ZNF8: variants seen among roughly 807,000 people sequenced by gnomAD.
ZNF8 encodes zinc finger protein 8.
In ZNF8, 9 loss-of-function variants were observed where a neutral mutation model predicts 12.2. That is an observed-to-expected ratio of 0.73 (90% confidence interval 0.44 to 1.28). The LOEUF is 1.28. Ranked by LOEUF, ZNF8 falls within the 50% of genes most tolerant of loss-of-function variation. The pLI, the probability that ZNF8 is intolerant of heterozygous loss-of-function variation, is 0.00. For missense variants in ZNF8, 664 were observed against 729.1 expected (o/e 0.91, Z 1.03); for synonymous variants, 274 against 282.3 (o/e 0.97, Z 0.30).
chr19:58,294,515 G>A lies in ZNF8; in HGVS notation c.707G>A (p.Arg236Lys), dbSNP rs775486874. The A allele has an allele frequency of 1.5e-5, 24 of 1,614,112 alleles. No homozygotes were observed. The highest frequency in any genetic ancestry group is 2.0e-5 in the Non-Finnish European group (24 of 1,180,060). ...CCCGGTGAAAACAGTGACTGTCACAGAGATTCCAGTCAGGCCATTCCAATT... is the reference window on the plus strand; with the variant it reads ...CCCGGTGAAAACAGTGACTGTCACAAAGATTCCAGTCAGGCCATTCCAATT... ...KQPGENSDCH[R>K]DSSQAIPITE... The change falls in exon 4 of 4, where the codon AGA (arginine) becomes AAA (lysine). Residue 236 changes from arginine to lysine, a missense_variant. Physicochemically the swap from Arg to Lys is conservative, Grantham distance 26. Around this residue, in one of 3 missense-constraint regions of ZNF8, gnomAD observed 306 missense variants for 308.7 expected, o/e 0.99. Coordinates refer to ENST00000621650, the MANE Select transcript of ZNF8 (RefSeq NM_021089.3). The surrounding 1 kb of genome is among the most constrained non-coding windows in gnomAD (Gnocchi z 5.5).
In ZNF8 at chr19:58,294,543, G is replaced by T. The variant is rs377349861; in HGVS notation, c.735G>T (p.Thr245=). Residue 245 remains threonine, a synonymous_variant, in exon 4 of 4, where the codon ACG becomes ACT. Transcript: ENST00000621650. The surrounding 1 kb of genome is among the most constrained non-coding windows in gnomAD (Gnocchi z 5.5). ...HRDSSQAIPI[T]ELTKSQVQDK... ...ATTCCAGTCAGGCCATTCCAATTAC[G>T]GAACTCACAAAAAGCCAGGTGCAGG... 1.2e-6 allele frequency: 2 copies of T among 1,614,124 alleles called. No individual in the cohort carries two copies. Among genetic ancestry groups the T allele is most frequent in the Non-Finnish European group, 1.7e-6 (2 of 1,180,030 alleles).
At chr19:58,279,471 C>G in intron 1 of ZNF8, 1 of 1,460,528 alleles carries the variant, frequency 6.8e-7, no homozygotes, top group Non-Finnish European at 9.0e-7. Context: ...CTTGCCCATT[C>G]CAGGAAGGTC....
At chr19:58,289,499 G>GAA (rs34989877) in intron 3 of ZNF8, among the ~76,000 whole-genome samples, 1,712 of 83,152 alleles carry the variant, frequency 0.021, 17 homozygotes, top group Non-Finnish European at 0.037. Context: ...CTGTCTCAAA[G>GAA]AAAAAAAAAA....
rs1289319629 is a variant in ZNF8 at position 58,295,208 on chromosome 19, T to C, written c.1400T>C (p.Phe467Ser). ...DERTHRSDRP[F>S]KCNQCGKCFI... ...AGGACTCACCGAAGCGACAGACCCT[T>C]CAAATGTAATCAGTGTGGGAAGTGT... The change falls in exon 4 of 4, where the codon TTC (phenylalanine) becomes TCC (serine). Residue 467 changes from phenylalanine to serine, a missense_variant. Physicochemically the swap from Phe to Ser is radical, Grantham distance 155. Around this residue, in one of 3 missense-constraint regions of ZNF8, gnomAD observed 225 missense variants for 222.0 expected, o/e 1.01. Coordinates refer to ENST00000621650, the MANE Select transcript of ZNF8 (RefSeq NM_021089.3). 1 of 1,614,180 alleles carries C rather than the reference T, an allele frequency of 6.2e-7. No individual in the cohort carries two copies. The highest frequency in any genetic ancestry group is 8.5e-7 in the Non-Finnish European group (1 of 1,180,042).
rs531174488 is a variant in ZNF8, at chr19:58,297,019, G to A, written c.*1483G>A. The A allele has an allele frequency of 6.6e-6, 1 of 152,230 alleles. No individual in the cohort carries two copies. Among genetic ancestry groups the A allele is most frequent in the East Asian group, 1.9e-4 (1 of 5,158 alleles). 9.4% of individuals were successfully genotyped at this position (152,230 alleles called of 1,614,324 possible). On this transcript the variant is annotated 3_prime_UTR_variant, in exon 4 of 4. Coordinates refer to ENST00000621650, the MANE Select transcript of ZNF8 (RefSeq NM_021089.3). ...GGCTGAGGAGGGCGGATCCTTTGAGGTCAGGAGTTTGAGACTAGCCTGGGC... is the reference window on the plus strand; with the variant it reads ...GGCTGAGGAGGGCGGATCCTTTGAGATCAGGAGTTTGAGACTAGCCTGGGC...
chr19:58,285,791 G>T lies in ZNF8; in HGVS notation c.141G>T (p.Arg47Ser). Residue 47 changes from arginine to serine, a missense_variant, in exon 2 of 4, where the codon AGG (arginine) becomes AGT (serine). Transcript: ENST00000621650. ...GGGGGCAGCTGGACCCTACCCAGAG[G>T]ATCCTCTACCGTGACGTGATGCTGG... ...EEWGQLDPTQ[R>S]ILYRDVMLET... The T allele has an allele frequency of 1.2e-6, 2 of 1,614,142 alleles. No individual in the cohort carries two copies. Among genetic ancestry groups the T allele is most frequent in the African/African-American group, 1.3e-5 (1 of 75,032 alleles).
At position 58,285,580 on chromosome 19, in the gene ZNF8, A is replaced by G. The variant is rs571880860; in HGVS notation, c.67-137A>G. On this transcript the variant is annotated intron_variant, in intron 1 of 3. Coordinates refer to ENST00000621650, the MANE Select transcript of ZNF8 (RefSeq NM_021089.3). The stretch of plus-strand genomic sequence containing the variant: ...GTAGTGGCCTAATAGGTGCCCAGTG[A>G]GACCTGACTCCCATCATTCATAACG... The G allele has an allele frequency of 8.7e-6, 11 of 1,258,330 alleles. No individual in the cohort carries two copies. The South Asian group carries it at 1.4e-4, about 16-fold the overall frequency. 77.9% of individuals were successfully genotyped at this position (1,258,330 alleles called of 1,614,324 possible).
Position 58,295,140 on chromosome 19 carries a change from G to A in ZNF8, c.1332G>A (p.Trp444Ter). The change falls in exon 4 of 4, where the codon TGG becomes TGA. Residue 444 changes from tryptophan (W) to a stop codon, truncating the protein, a stop_gained. Coordinates refer to ENST00000621650, the MANE Select transcript of ZNF8 (RefSeq NM_021089.3). LOFTEE classifies it low-confidence loss of function (END_TRUNC). Reference sequence around the variant, plus strand: ...CGCCAGCTCTCACAAAGCATGAATGGACAGAAGCCCTGGGCTGTGACCCAC... The same window carrying A: ...CGCCAGCTCTCACAAAGCATGAATGAACAGAAGCCCTGGGCTGTGACCCAC... ...EQTPALTKHE[W>*]TEALGCDPPL... 6.2e-7 allele frequency: 1 copy of A among 1,614,010 alleles called. No individual in the cohort carries two copies. Among genetic ancestry groups the A allele is most frequent in the Non-Finnish European group, 8.5e-7 (1 of 1,180,048 alleles).
chr19:58,292,477 C>A (rs1270972962), intron 3 of ZNF8, among the ~76,000 whole-genome samples: 1 of 152,160 alleles, frequency 6.6e-6, no homozygotes, highest in African/African-American at 2.4e-5. Context: ...ACCCTCGTGA[C>A]CTAATCACCT....
At chr19:58,293,256 G>T (rs1303659985) in intron 3 of ZNF8, among the ~76,000 whole-genome samples, 1 of 152,130 alleles carries the variant, frequency 6.6e-6, no homozygotes, top group East Asian at 1.9e-4. Context: ...CATATTTGGG[G>T]GCCAGAGGTG....
intron 1 of ZNF8, among the ~76,000 whole-genome samples, chr19:58,284,614 C>T (rs1485934364): frequency 1.3e-5 from 2 of 152,168 alleles, no homozygotes; most frequent in South Asian, 2.1e-4. Flanking sequence ...TTTGGGAGGC[C>T]GAGGCGGGTG....
Position 58,300,390 on chromosome 19 carries a change from A to C in ZNF8, c.*4854A>C, listed in dbSNP as rs1259070050. 1 of 152,268 alleles carries C rather than the reference A, an allele frequency of 6.6e-6. No individual in the cohort carries two copies. The highest frequency in any genetic ancestry group is 2.4e-5 in the African/African-American group (1 of 41,468). 9.4% of individuals were successfully genotyped at this position (152,268 alleles called of 1,614,324 possible). On this transcript the variant is annotated 3_prime_UTR_variant, in exon 4 of 4. Coordinates refer to ENST00000621650, the MANE Select transcript of ZNF8 (RefSeq NM_021089.3). Reference sequence around the variant, plus strand: ...GCCATTGCATCCACAGTGAAGACTGAAAGAAGGGGGAATGGGCAGGCCAAC... The same window carrying C: ...GCCATTGCATCCACAGTGAAGACTGCAAGAAGGGGGAATGGGCAGGCCAAC...
Position 58,300,600 on chromosome 19 carries a change from T to G in ZNF8, c.*5064T>G, listed in dbSNP as rs2051485939. ...GGTGGGAGAGAAAAGTCCTGGGAAG[T>G]GGATGATGGAGGCAGCTAGCCGTAG... On this transcript the variant is annotated 3_prime_UTR_variant, in exon 4 of 4. Coordinates refer to ENST00000621650, the MANE Select transcript of ZNF8 (RefSeq NM_021089.3). 1 of 152,070 alleles carries G rather than the reference T, an allele frequency of 6.6e-6. No homozygotes were observed. Among genetic ancestry groups the G allele is most frequent in the Non-Finnish European group, 1.5e-5 (1 of 68,046 alleles). The allele number at this position is 152,070 out of a possible 1,614,324, so 9.4% of individuals were successfully genotyped here. A position where few individuals can be genotyped will look rare whatever the true frequency, so the allele number is the denominator to read the frequency against.
chr19:58,284,206 A>C (rs1215573590), intron 1 of ZNF8, among the ~76,000 whole-genome samples: 1 of 151,484 alleles, frequency 6.6e-6, no homozygotes, highest in African/African-American at 2.4e-5. Context: ...CCTGATTGAC[A>C]GAGTGAGACT....
intron 1 of ZNF8, chr19:58,279,879 C>T (rs2051337782): frequency 4.8e-6 from 5 of 1,032,548 alleles, no homozygotes; most frequent in African/African-American, 2.3e-5. Context: ...TGAAATTATA[C>T]TTTTTTTTAT....
intron 3 of ZNF8, among the ~76,000 whole-genome samples, chr19:58,287,333 C>T (rs1600455192): frequency 7.7e-6 from 1 of 129,370 alleles, no homozygotes; most frequent in South Asian, 2.5e-4. Context: ...GCCACCATGC[C>T]CAGCTTTTTT....
In ZNF8 at chr19:58,295,104, C is replaced by A; in HGVS notation, c.1296C>A (p.Ile432=). ...EKPFECRQRL[I]FEQTPALTKH... is the part of the protein sequence containing the mutation. ...CCTTTGAGTGCCGCCAGAGGCTGAT[C>A]TTTGAGCAGACGCCAGCTCTCACAA... Residue 432 remains isoleucine, a synonymous_variant, in exon 4 of 4, where the codon ATC becomes ATA. Coordinates refer to ENST00000621650, the MANE Select transcript of ZNF8 (RefSeq NM_021089.3). 1 of 1,613,898 alleles carries A rather than the reference C, an allele frequency of 6.2e-7. No individual in the cohort carries two copies. Among genetic ancestry groups the A allele is most frequent in the East Asian group, 2.2e-5 (1 of 44,900 alleles).
rs2051481225 is a variant in ZNF8, at chr19:58,299,895, T to C, written c.*4359T>C. 1 of 152,196 alleles carries C rather than the reference T, an allele frequency of 6.6e-6. No individual in the cohort carries two copies. Among genetic ancestry groups the C allele is most frequent in the African/African-American group, 2.4e-5 (1 of 41,426 alleles). The allele number at this position is 152,196 out of a possible 1,614,324, so 9.4% of individuals were successfully genotyped here. A position where few individuals can be genotyped will look rare whatever the true frequency, so the allele number is the denominator to read the frequency against. On this transcript the variant is annotated 3_prime_UTR_variant, in exon 4 of 4. Coordinates refer to ENST00000621650, the MANE Select transcript of ZNF8 (RefSeq NM_021089.3). ...CAGAGCCAGAGCTTTGTGGTTCATC[T>C]CTAGAGGTTCAACAGGACCCTGTGG...
intron 1 of ZNF8, 198 bp downstream of exon 1, chr19:58,279,345 TG>T (rs1288578813): frequency 6.8e-7 from 1 of 1,473,014 alleles, no homozygotes; most frequent in Non-Finnish European, 9.0e-7. Context: ...ACCAGGCGCC[TG>T]GCCCCCGAAT....
Sources: allele counts gnomAD v4.1 joint callset (sites outside exome capture counted in the v4.1 genomes callset), GRCh38; gene constraint gnomAD v4.1.1; regional missense constraint gnomAD v4.1.1; non-coding constraint Gnocchi (gnomAD v3.1); transcripts MANE v1.5; gene names NCBI Gene and HGNC (gene_info 2026-07-23, HGNC 2026-07-21).